Variants in MORN4 observed in about 807,000 individuals in gnomAD.
MORN4 encodes MORN repeat containing 4, also known as MORN repeat-containing protein 4.
A neutral mutation model predicts 16.4 loss-of-function variants in MORN4; 8 were observed. The ratio of observed to expected loss-of-function variants is 0.49; its 90% CI spans 0.29 to 0.88. The LOEUF is 0.88. Among genes scored for constraint, MORN4 ranks in the 40% least tolerant of loss-of-function variants. The pLI, the probability that MORN4 is intolerant of heterozygous loss-of-function variation, is 0.09. For synonymous variants in MORN4, 53 were observed against 68.9 expected (o/e 0.77, Z 1.14); for missense variants, 159 against 182.9 (o/e 0.87, Z 0.75).
intron 1 of MORN4, among the ~76,000 whole-genome samples, chr10:97,630,821 A>G (rs2041389644): frequency 6.6e-6 from 1 of 152,222 alleles, no homozygotes; most frequent in Non-Finnish European, 1.5e-5. Flanking sequence ...TAGTTTAACA[A>G]AGTATAGTCA....
At chr10:97,630,608 G>A (rs2041388275) in intron 1 of MORN4, among the ~76,000 whole-genome samples, 2 of 152,218 alleles carry the variant, frequency 1.3e-5, no homozygotes, top group Admixed American at 1.3e-4. Context: ...GAAAGGGAAT[G>A]TGTGTAGAAT....
chr10:97,619,524 G>T, intron 2 of MORN4, 63 bp downstream of exon 2: 1 of 1,201,288 alleles, frequency 8.3e-7, no homozygotes, highest in Non-Finnish European at 1.2e-6. Flanking sequence ...TATATATCCT[G>T]ATGTATTTGT....
rs2041412850 is a variant in MORN4 at position 97,633,262 on chromosome 10, G to C, written c.-31+85C>G. 1 of 1,240,630 alleles carries C rather than the reference G, an allele frequency of 8.1e-7. No homozygotes were observed. Among genetic ancestry groups the C allele is most frequent in the Non-Finnish European group, 1.0e-6 (1 of 959,496 alleles). 76.9% of individuals were successfully genotyped at this position (1,240,630 alleles called of 1,614,324 possible). ...CGAGGTGGAGCCGCGCCCCCGAGCCGGGTCATCTCGTGCTCCGTTCCTCAG... is the reference window on the plus strand; with the variant it reads ...CGAGGTGGAGCCGCGCCCCCGAGCCCGGTCATCTCGTGCTCCGTTCCTCAG... On this transcript the variant is annotated intron_variant, in intron 1 of 4. Coordinates refer to ENST00000307450, the MANE Select transcript of MORN4 (RefSeq NM_178832.4). This position sits in a 1 kb window ranked among gnomAD's most constrained non-coding sequence, Gnocchi z 4.5.
rs1024820379 is a variant in MORN4 at position 97,628,350 on chromosome 10, A to T, written c.-31+4997T>A. Among the ~76,000 whole-genome samples the T allele has an allele frequency of 3.3e-5, 5 of 152,336 alleles. No individual in the cohort carries two copies. The East Asian group carries it at 5.8e-4, about 18-fold the overall frequency. On this transcript the variant is annotated intron_variant, in intron 1 of 4. Coordinates refer to ENST00000307450, the MANE Select transcript of MORN4 (RefSeq NM_178832.4). Reference sequence around the variant, plus strand: ...ATATTGACTACACAGGGACTCAGGGAAAGTACTGCCTTGTATTTATTTACT... The same window carrying T: ...ATATTGACTACACAGGGACTCAGGGTAAGTACTGCCTTGTATTTATTTACT...
At chr10:97,631,618 TAA>T (rs547574429) in intron 1 of MORN4, among the ~76,000 whole-genome samples, 1 of 142,400 alleles carries the variant, frequency 7.0e-6, no homozygotes. Flanking sequence ...TTAAGAGGAT[TAA>T]AAAAAAAAAA....
intron 1 of MORN4, among the ~76,000 whole-genome samples, chr10:97,630,370 G>GT (rs1431372651): frequency 2.0e-4 from 30 of 152,156 alleles, no homozygotes; most frequent in Non-Finnish European, 4.4e-4. Flanking sequence ...CCTGGCCACA[G>GT]TATGGGTGTT....
chr10:97,633,652 C>T, upstream of MORN4: 1 of 1,271,728 alleles, frequency 7.9e-7, no homozygotes, highest in South Asian at 1.3e-5. The surrounding 1 kb of genome is among the most constrained non-coding windows in gnomAD (Gnocchi z 4.5). Context: ...GGTCCCACCT[C>T]TGCAACGCAG....
chr10:97,616,531 G>A (rs2041237858), intron 4 of MORN4, 120 bp from the exon 5 acceptor site: 1 of 1,303,384 alleles, frequency 7.7e-7, no homozygotes. Flanking sequence ...GCTCTACTCA[G>A]GAGTACTCTA....
intron 2 of MORN4, among the ~76,000 whole-genome samples, chr10:97,617,945 C>T (rs952855944): frequency 2.0e-5 from 3 of 151,988 alleles, no homozygotes; most frequent in African/African-American, 4.8e-5. Context: ...GCCGAGGAGG[C>T]GGGCAGATCA....
At position 97,614,613 on chromosome 10, in the gene MORN4, A is replaced by T. The variant is rs776456294; in HGVS notation, c.*1650T>A. On this transcript the variant is annotated 3_prime_UTR_variant, in exon 5 of 5. Transcript: ENST00000307450. ...CACCTTTTTCTACAGTACAATTCAG[A>T]GAATAAATAGAGGCACACGGCTATA... 3 of 152,632 alleles carry T rather than the reference A, an allele frequency of 2.0e-5. No individual in the cohort carries two copies. Among genetic ancestry groups the T allele is most frequent in the Non-Finnish European group, 4.4e-5 (3 of 68,042 alleles). 9.5% of individuals were successfully genotyped at this position (152,632 alleles called of 1,614,324 possible). A position where few individuals can be genotyped will look rare whatever the true frequency, so the allele number is the denominator to read the frequency against.
intron 1 of MORN4, among the ~76,000 whole-genome samples, chr10:97,624,702 G>C (rs940130942): frequency 1.3e-5 from 2 of 152,086 alleles, no homozygotes; most frequent in Admixed American, 1.3e-4. Flanking sequence ...ACTGGTGTGA[G>C]CATCAGTGTT....
chr10:97,627,901 G>A (rs1199150284), intron 1 of MORN4, among the ~76,000 whole-genome samples: 1 of 152,180 alleles, frequency 6.6e-6, no homozygotes, highest in Non-Finnish European at 1.5e-5. Context: ...AGGCTCACAA[G>A]CCTCTTATCA....
At chr10:97,618,033 G>T (rs1261896044) in intron 2 of MORN4, among the ~76,000 whole-genome samples, 3 of 151,508 alleles carry the variant, frequency 2.0e-5, no homozygotes, top group Non-Finnish European at 4.4e-5. Flanking sequence ...AAAATTAGCC[G>T]GGCATGGTGG....
At chr10:97,619,521 C>A (rs763606969) in intron 2 of MORN4, 66 bp downstream of exon 2, 1 of 1,171,690 alleles carries the variant, frequency 8.5e-7, no homozygotes, top group Non-Finnish European at 1.3e-6. Flanking sequence ...GGCTATATAT[C>A]CTGATGTATT....
At chr10:97,617,147 C>T (rs1323070610) in intron 3 of MORN4, 61 bp downstream of exon 3, 2 of 1,261,210 alleles carry the variant, frequency 1.6e-6, no homozygotes, top group Admixed American at 3.4e-5. Context: ...TTACCAGAGT[C>T]CCATTTTTCT....
intron 1 of MORN4, among the ~76,000 whole-genome samples, chr10:97,627,490 TA>T (rs1045202888): frequency 1.3e-5 from 2 of 152,168 alleles, no homozygotes; most frequent in African/African-American, 4.8e-5. Context: ...AGAAATGGTC[TA>T]ATGTGAAAAC....
chr10:97,624,630 C>A (rs2041331999), intron 1 of MORN4, among the ~76,000 whole-genome samples: 2 of 152,222 alleles, frequency 1.3e-5, no homozygotes, highest in Admixed American at 6.5e-5. Flanking sequence ...GGTGCCTAGA[C>A]TGGTCCCGAA....
At chr10:97,616,583 G>T in intron 4 of MORN4, 95 bp downstream of exon 4, 2 of 1,261,156 alleles carry the variant, frequency 1.6e-6, no homozygotes, top group Non-Finnish European at 2.3e-6. Context: ...GGCCACTATG[G>T]ATTGCTGGAC....
intron 2 of MORN4, among the ~76,000 whole-genome samples, chr10:97,618,018 T>C (rs1327226913): frequency 4.0e-5 from 6 of 151,092 alleles, no homozygotes; most frequent in Admixed American, 1.3e-4. Context: ...CTACTAAAAC[T>C]ACAAAAAATT....
Sources: gnomAD v4.1 joint callset for allele counts (sites outside exome capture counted in the v4.1 genomes callset) on GRCh38, gnomAD v4.1.1 for gene constraint, Gnocchi (gnomAD v3.1) non-coding constraint, MANE v1.5 for transcripts, NCBI Gene and HGNC (gene_info 2026-07-23, HGNC 2026-07-21) for gene names.